RABGAP1: variants seen among roughly 807,000 people sequenced by gnomAD.
RABGAP1 encodes the protein rab GTPase-activating protein 1.
A neutral mutation model predicts 137.6 loss-of-function variants in RABGAP1; 23 were observed. That is an observed-to-expected ratio of 0.17 (90% CI 0.12 to 0.24). RABGAP1 has a LOEUF of 0.24. Ranked by LOEUF, RABGAP1 falls within the 10% of genes least tolerant of loss-of-function variation. The pLI, the probability that RABGAP1 is intolerant of heterozygous loss-of-function variation, is 1.00. For missense variants in RABGAP1, 906 were observed against 1,275.8 expected, an observed-to-expected ratio of 0.71 and a Z score of 4.42; for synonymous variants, 451 against 450.7, an observed-to-expected ratio of 1.00 and a Z score of -0.01.
chr9:122,975,695 T>C (rs896091649), intron 2 of RABGAP1, among the ~76,000 whole-genome samples: 10 of 152,192 alleles, frequency 6.6e-5, no homozygotes, highest in Non-Finnish European at 1.5e-4. Flanking sequence ...CCAACACTTA[T>C]TGGATGCTAT....
intron 13 of RABGAP1, among the ~76,000 whole-genome samples, chr9:123,060,890 GAT>G (rs1449477990): frequency 6.6e-6 from 1 of 152,192 alleles, no homozygotes; most frequent in Non-Finnish European, 1.5e-5. Flanking sequence ...TGTTCAAAGA[GAT>G]ATACATTTCA....
intron 21 of RABGAP1, among the ~76,000 whole-genome samples, chr9:123,092,743 G>A (rs1316291615): frequency 6.6e-6 from 1 of 152,210 alleles, no homozygotes; most frequent in Non-Finnish European, 1.5e-5. Flanking sequence ...CAAATCCTCA[G>A]AGTAGGCCGT....
At chr9:122,989,229 C>G in intron 4 of RABGAP1, 68 bp from the exon 5 acceptor site, 1 of 1,372,018 alleles carries the variant, frequency 7.3e-7, no homozygotes, top group African/African-American at 1.4e-5. Flanking sequence ...AGTCTCACAT[C>G]TTAATCTAAA....
chr9:122,986,310 C>G lies in RABGAP1; in HGVS notation c.481C>G (p.Pro161Ala). ...CTTAGGCTGTGCCTCGGTAAATGCT[C>G]CCAGGAGTGAAGTGGAAGCCTTAAG... ...TYLGCASVNA[P>A]RSEVEALRMM... Residue 161 changes from proline to alanine, a missense_variant, in exon 4 of 26, where the codon CCC (proline) becomes GCC (alanine). Coordinates refer to ENST00000373647, the MANE Select transcript of RABGAP1 (RefSeq NM_012197.4). The G allele has an allele frequency of 6.2e-7, 1 of 1,613,994 alleles. No individual in the cohort carries two copies.
At chr9:123,067,904 A>C (rs1281741852) in intron 14 of RABGAP1, among the ~76,000 whole-genome samples, 1 of 152,232 alleles carries the variant, frequency 6.6e-6, no homozygotes, top group African/African-American at 2.4e-5. Flanking sequence ...ATAGAAATTC[A>C]GTACAGTTTC....
At chr9:122,988,496 A>T (rs1367737173) in intron 4 of RABGAP1, among the ~76,000 whole-genome samples, 5 of 71,300 alleles carry the variant, frequency 7.0e-5, no homozygotes, top group South Asian at 7.3e-4. Flanking sequence ...GCTTTTATTC[A>T]TGATTTTTTT....
chr9:123,103,588 C>CATATATATATAT lies in RABGAP1; in HGVS notation c.*413_*424dup. 57 of 44,938 alleles carry CATATATATATAT rather than the reference C, an allele frequency of 1.3e-3. 2 individuals are homozygous for CATATATATATAT. The highest frequency in any genetic ancestry group is 2.9e-3 in the Admixed American group (8 of 2,784). 2.8% of individuals were successfully genotyped at this position (44,938 alleles called of 1,614,324 possible). ...TTCTAAACCTTTTTTTTTTAATATACATATATATATATATATATATATATA... is the reference window on the plus strand; with the variant it reads ...TTCTAAACCTTTTTTTTTTAATATACATATATATATATATATATATATATATATATATATATA... On this transcript the variant is annotated 3_prime_UTR_variant, in exon 26 of 26. Coordinates refer to ENST00000373647, the MANE Select transcript of RABGAP1 (RefSeq NM_012197.4).
At chr9:122,990,354 A>C (rs947452962) in intron 6 of RABGAP1, 141 bp downstream of exon 6, 1 of 649,654 alleles carries the variant, frequency 1.5e-6, no homozygotes, top group Non-Finnish European at 2.3e-6. Context: ...AAGGCATATA[A>C]ATACATAAAT....
At chr9:122,945,005 A>C (rs1833861789) in intron 1 of RABGAP1, among the ~76,000 whole-genome samples, 1 of 152,052 alleles carries the variant, frequency 6.6e-6, no homozygotes, top group African/African-American at 2.4e-5. Context: ...AGAATTTGGC[A>C]TGACATTTTG....
intron 13 of RABGAP1, among the ~76,000 whole-genome samples, chr9:123,065,020 T>C (rs866951572): frequency 3.3e-5 from 5 of 152,206 alleles, no homozygotes; most frequent in African/African-American, 7.2e-5. Context: ...AGTTTGAGTA[T>C]TTTCCTATAG....
chr9:122,952,398 A>G (rs936754958), intron 1 of RABGAP1, among the ~76,000 whole-genome samples: 1 of 151,900 alleles, frequency 6.6e-6, no homozygotes, highest in Non-Finnish European at 1.5e-5. Flanking sequence ...AGCTGGGACT[A>G]CAGGCGCCTG....
intron 13 of RABGAP1, among the ~76,000 whole-genome samples, chr9:123,021,494 A>G (rs2031637781): frequency 6.6e-6 from 1 of 151,906 alleles, no homozygotes; most frequent in Non-Finnish European, 1.5e-5. Flanking sequence ...TAATTTTTGT[A>G]ATTTTAGTAG....
intron 11 of RABGAP1, among the ~76,000 whole-genome samples, chr9:123,011,260 C>T (rs1166974584): frequency 2.0e-5 from 3 of 151,984 alleles, no homozygotes; most frequent in Non-Finnish European, 4.4e-5. Context: ...GAGGAGAATT[C>T]GGTTTTCATT....
In RABGAP1 at chr9:123,073,650, A is replaced by G. The variant is rs199532144; in HGVS notation, c.2082A>G (p.Lys694=). The change falls in exon 16 of 26, where the codon AAA becomes AAG. Residue 694 remains lysine (K), a synonymous_variant. Transcript: ENST00000373647. ...FKQNFEDLHC[K]FYQLERLMQE... ...AAAACTTCGAAGATTTGCATTGCAA[A>G]TTTTACCAGTTGGAGCGCCTCATGC... 22 of 1,613,848 alleles carry G rather than the reference A, an allele frequency of 1.4e-5. No individual in the cohort carries two copies. The East Asian group carries it at 4.5e-4, about 33-fold the overall frequency.
intron 13 of RABGAP1, among the ~76,000 whole-genome samples, chr9:123,044,366 A>G (rs1253151340): frequency 6.6e-6 from 1 of 152,188 alleles, no homozygotes. Context: ...TTACAAAGCC[A>G]TTTCCTATTA....
chr9:123,001,616 G>A lies in RABGAP1; in HGVS notation c.1374+2850G>A, dbSNP rs918994883. Among the ~76,000 whole-genome samples, 5 of 152,136 alleles carry A rather than the reference G, an allele frequency of 3.3e-5. No individual in the cohort carries two copies. In the South Asian group the frequency reaches 6.2e-4, roughly 19 times the overall value. On this transcript the variant is annotated intron_variant, in intron 10 of 25. Coordinates refer to ENST00000373647, the MANE Select transcript of RABGAP1 (RefSeq NM_012197.4). ...GTAGCAGGAGCAGAGATTAGGGGTC[G>A]TCATCTAGAACTTGAATTTGGAGTC...
At chr9:122,978,549 C>T (rs964391730) in intron 2 of RABGAP1, among the ~76,000 whole-genome samples, 2 of 152,134 alleles carry the variant, frequency 1.3e-5, no homozygotes, top group South Asian at 2.1e-4. Flanking sequence ...ATGGGAAGAT[C>T]GCTTGAGCCC....
chr9:123,091,932 G>A (rs113672435), intron 21 of RABGAP1, among the ~76,000 whole-genome samples: 1 of 152,112 alleles, frequency 6.6e-6, no homozygotes, highest in Non-Finnish European at 1.5e-5. Context: ...TCTGCCTAGT[G>A]AGTGGAGGGA....
At chr9:122,967,855 T>G (rs1835252524) in intron 2 of RABGAP1, among the ~76,000 whole-genome samples, 1 of 151,774 alleles carries the variant, frequency 6.6e-6, no homozygotes, top group Non-Finnish European at 1.5e-5. Context: ...GCCTCCTGAG[T>G]AGCTGGGATC....
Sources: allele counts gnomAD v4.1 joint callset (sites outside exome capture counted in the v4.1 genomes callset), GRCh38; gene constraint gnomAD v4.1.1; transcripts MANE v1.5; gene names NCBI Gene and HGNC (gene_info 2026-07-23, HGNC 2026-07-21).